Variants in FGL1 observed in about 807,000 individuals in gnomAD.
The protein encoded by FGL1 is fibrinogen-like protein 1.
Under a neutral mutation model 43.7 loss-of-function variants are expected in FGL1, and 59 were observed. The observed-to-expected ratio is 1.35, with a 90% CI of 1.10 to 1.68. The LOEUF (loss-of-function observed/expected upper bound fraction) is 1.68, where lower values mean the gene tolerates loss of function less well. FGL1 is among the 40% of genes most tolerant of loss of function. The probability of loss-of-function intolerance (pLI) is 0.00; values close to 1 mark genes in which losing one functional copy is unlikely to be tolerated. For missense variants in FGL1, 596 were observed against 373.0 expected (o/e 1.60, Z -4.92); for synonymous variants, 192 against 126.5 (o/e 1.52, Z -3.48).
chr8:17,864,467 G>T lies in FGL1; in HGVS notation c.*125C>A. 2 of 999,330 alleles carry T rather than the reference G, an allele frequency of 2.0e-6. No homozygotes were observed. Among genetic ancestry groups the T allele is most frequent in the Non-Finnish European group, 1.4e-6 (1 of 701,314 alleles). The allele number at this position is 999,330 out of a possible 1,614,324, so 61.9% of individuals were successfully genotyped here. A position where few individuals can be genotyped will look rare whatever the true frequency, so the allele number is the denominator to read the frequency against. The stretch of plus-strand genomic sequence containing the variant: ...AGCACATTAAGTAACAAAGGCAAGT[G>T]AGAAGAATGAAAAGCACTACTCACA... On this transcript the variant is annotated 3_prime_UTR_variant, in exon 8 of 8. Coordinates refer to ENST00000427924, the MANE Select transcript of FGL1 (RefSeq NM_004467.4).
chr8:17,876,029 G>C lies in FGL1; in HGVS notation c.245-1508C>G, dbSNP rs147675932. ...CAAATGGGGACCTCTCTATTGTTCA[G>C]ATGCATAGAAAGCTAGGTTTTAGGA... is the stretch of plus-strand genomic sequence containing the variant. On this transcript the variant is annotated intron_variant, in intron 3 of 7. Coordinates refer to ENST00000427924, the MANE Select transcript of FGL1 (RefSeq NM_004467.4). Among the ~76,000 whole-genome samples, 47 of 152,248 alleles carry C rather than the reference G, an allele frequency of 3.1e-4. No homozygotes were observed. In the East Asian group the frequency reaches 8.1e-3, roughly 26 times the overall value.
chr8:17,864,491 C>A lies in FGL1; in HGVS notation c.*101G>T. On this transcript the variant is annotated 3_prime_UTR_variant, in exon 8 of 8. Coordinates refer to ENST00000427924, the MANE Select transcript of FGL1 (RefSeq NM_004467.4). Reference sequence around the variant, plus strand: ...TGAGAAGAATGAAAAGCACTACTCACAACAGTTATCATGATTGCGCATGGA... The same window carrying A: ...TGAGAAGAATGAAAAGCACTACTCAAAACAGTTATCATGATTGCGCATGGA... The A allele has an allele frequency of 7.7e-7, 1 of 1,305,116 alleles. No individual in the cohort carries two copies. Among genetic ancestry groups the A allele is most frequent in the Non-Finnish European group, 1.0e-6 (1 of 957,904 alleles). 80.8% of individuals were successfully genotyped at this position (1,305,116 alleles called of 1,614,324 possible). A position where few individuals can be genotyped will look rare whatever the true frequency, so the allele number is the denominator to read the frequency against.
At chr8:17,894,687 A>G (rs1235760175) in intron 1 of FGL1, among the ~76,000 whole-genome samples, 1 of 146,894 alleles carries the variant, frequency 6.8e-6, no homozygotes, top group Non-Finnish European at 1.5e-5. Flanking sequence ...TCCATCTCAA[A>G]AAACCAACAA....
At chr8:17,886,807 G>A (rs111656633) in intron 1 of FGL1, among the ~76,000 whole-genome samples, 2 of 119,482 alleles carry the variant, frequency 1.7e-5, no homozygotes, top group African/African-American at 6.8e-5. Context: ...GAGAGGAGAG[G>A]AGAGAAGAGA....
intron 5 of FGL1, among the ~76,000 whole-genome samples, chr8:17,872,109 A>G (rs1205049664): frequency 3.9e-5 from 6 of 152,114 alleles, no homozygotes; most frequent in Non-Finnish European, 8.8e-5. Context: ...ATGTAAATTT[A>G]GAGAGCACTG....
intron 5 of FGL1, among the ~76,000 whole-genome samples, chr8:17,869,995 AGC>A (rs768743997): frequency 1.1e-4 from 17 of 152,174 alleles, no homozygotes; most frequent in Non-Finnish European, 2.2e-4. Context: ...CTGTAGTCCC[AGC>A]TACTTGGGAG....
intron 5 of FGL1, among the ~76,000 whole-genome samples, chr8:17,870,688 A>T (rs1328088529): frequency 6.6e-6 from 1 of 152,194 alleles, no homozygotes; most frequent in African/African-American, 2.4e-5. Flanking sequence ...TGGGTGGATT[A>T]CAAGGTCAGG....
intron 5 of FGL1, among the ~76,000 whole-genome samples, chr8:17,871,087 A>C (rs1007158640): frequency 6.6e-6 from 1 of 152,028 alleles, no homozygotes; most frequent in Non-Finnish European, 1.5e-5. Context: ...TTGATTTAGC[A>C]CCACAATTTC....
In FGL1 at chr8:17,882,078, C is replaced by T; in HGVS notation, c.165G>A (p.Leu55=). ...CAAGGAACTGGACTTCATTCTCCTGCAAAAGCTGCTTGATCTTGACCTGTT... is the reference window on the plus strand; with the variant it reads ...CAAGGAACTGGACTTCATTCTCCTGTAAAAGCTGCTTGATCTTGACCTGTT... ...KQQQVKIKQL[L]QENEVQFLDK... The change falls in exon 3 of 8, where the codon TTG becomes TTA. Residue 55 remains leucine (L), a synonymous_variant. Coordinates refer to ENST00000427924, the MANE Select transcript of FGL1 (RefSeq NM_004467.4). 6.2e-7 allele frequency: 1 copy of T among 1,614,058 alleles called. No homozygotes were observed. The highest frequency in any genetic ancestry group is 8.5e-7 in the Non-Finnish European group (1 of 1,180,002).
At chr8:17,872,627 G>C (rs1451545579) in intron 5 of FGL1, among the ~76,000 whole-genome samples, 2 of 152,074 alleles carry the variant, frequency 1.3e-5, no homozygotes, top group African/African-American at 4.8e-5. Context: ...CAATTGCAGT[G>C]TAACTTAGCA....
rs994685322 is a variant in FGL1 at position 17,877,679 on chromosome 8, G to A, written c.245-3158C>T. Among the ~76,000 whole-genome samples, 8 of 152,074 alleles carry A rather than the reference G, an allele frequency of 5.3e-5. No homozygotes were observed. The East Asian group carries it at 7.7e-4, about 15-fold the overall frequency. ...TGTATGTATTTGTTGGGGTACATGT[G>A]ATATTTTGATAAAGGCATGCAATGC... On this transcript the variant is annotated intron_variant, in intron 3 of 7. Transcript: ENST00000427924.
chr8:17,875,543 T>TCTCTCTCTCTCTC (rs1563452419), intron 3 of FGL1, among the ~76,000 whole-genome samples: 4 of 16,824 alleles, frequency 2.4e-4, no homozygotes, highest in African/African-American at 6.7e-4. Flanking sequence ...TTCTCTTTCT[T>TCTCTCTCTCTCTC]TCTTTCTTTC....
intron 1 of FGL1, among the ~76,000 whole-genome samples, chr8:17,886,229 C>A (rs1052280108): frequency 1.3e-5 from 2 of 152,206 alleles, no homozygotes; most frequent in Admixed American, 1.3e-4. Context: ...TTTATACTGA[C>A]ATACTTTCCT....
chr8:17,868,093 G>A (rs1010682872), intron 7 of FGL1, among the ~76,000 whole-genome samples: 20 of 152,180 alleles, frequency 1.3e-4, no homozygotes, highest in African/African-American at 4.3e-4. Context: ...TATTGGGAGA[G>A]GCTTAGACTC....
At chr8:17,873,635 A>T (rs1309167811) in intron 5 of FGL1, among the ~76,000 whole-genome samples, 1 of 151,734 alleles carries the variant, frequency 6.6e-6, no homozygotes, top group Admixed American at 6.6e-5. Context: ...TAATTATGAC[A>T]TTATATATCC....
intron 1 of FGL1, among the ~76,000 whole-genome samples, chr8:17,894,059 AAT>A (rs2053743265): frequency 6.8e-6 from 1 of 146,902 alleles, no homozygotes. Flanking sequence ...ATTTAAAAAA[AAT>A]TTAATTAATT....
At chr8:17,894,797 A>G (rs2053752000) in intron 1 of FGL1, among the ~76,000 whole-genome samples, 1 of 146,578 alleles carries the variant, frequency 6.8e-6, no homozygotes, top group South Asian at 2.1e-4. Context: ...ATGTTTTGAA[A>G]ATGCTCTGGG....
At chr8:17,875,550 T>TC (rs1563452445) in intron 3 of FGL1, among the ~76,000 whole-genome samples, 6 of 15,910 alleles carry the variant, frequency 3.8e-4, no homozygotes, top group African/African-American at 8.0e-4. Context: ...TCTTTCTTTC[T>TC]TTCTTTCTTT....
intron 3 of FGL1, among the ~76,000 whole-genome samples, chr8:17,877,232 T>C (rs950357532): frequency 2.7e-5 from 4 of 150,936 alleles, no homozygotes; most frequent in African/African-American, 9.9e-5. Context: ...TCATGGGAGT[T>C]TTTTTTTTAA....
Sources: gnomAD v4.1 joint callset for allele counts (sites outside exome capture counted in the v4.1 genomes callset) on GRCh38, gnomAD v4.1.1 for gene constraint, MANE v1.5 for transcripts, NCBI Gene and HGNC (gene_info 2026-07-23, HGNC 2026-07-21) for gene names.